Variants in WNK1 observed in about 807,000 individuals in gnomAD.
WNK1 encodes the protein serine/threonine-protein kinase WNK1.
WNK1 carries 38 observed loss-of-function variants against 222.8 expected under a neutral mutation model. The ratio of observed to expected loss-of-function variants is 0.17; its 90% CI spans 0.13 to 0.22. The LOEUF (loss-of-function observed/expected upper bound fraction) is 0.22. WNK1 is among the 10% of genes least tolerant of loss of function. The pLI, the probability that WNK1 is intolerant of heterozygous loss-of-function variation, is 1.00. For synonymous variants in WNK1, 1,090 were observed against 1,092.9 expected (o/e 1.00, Z 0.05); for missense variants, 2,348 against 2,918.4 (o/e 0.80, Z 4.50).
chr12:765,540 C>A (rs1941583723), intron 1 of WNK1, among the ~76,000 whole-genome samples: 1 of 122,070 alleles, frequency 8.2e-6, no homozygotes, highest in South Asian at 2.8e-4. Flanking sequence ...AGAGCTATGA[C>A]CCTGTCTCAA....
chr12:859,454 C>T lies in WNK1; in HGVS notation c.1610C>T (p.Ala537Val). The T allele has an allele frequency of 6.2e-7, 1 of 1,609,886 alleles. No homozygotes were observed. The highest frequency in any genetic ancestry group is 8.5e-7 in the Non-Finnish European group (1 of 1,177,396). Reference sequence around the variant, plus strand: ...GAGAGAGATGTCCCAGAAGATGTTGCACAAGAAATGGTAAATTGACATTAG... The same window carrying T: ...GAGAGAGATGTCCCAGAAGATGTTGTACAAGAAATGGTAAATTGACATTAG... ...DLERDVPEDV[A>V]QEMVESGYVC... The change falls in exon 6 of 28, where the codon GCA becomes GTA. Residue 537 changes from alanine to valine, a missense_variant. Around this residue, in one of 13 missense-constraint regions of WNK1, gnomAD observed 103 missense variants for 111.5 expected, o/e 0.92. Transcript: ENST00000315939.
chr12:865,128 A>AT, intron 8 of WNK1: 1 of 1,518,056 alleles, frequency 6.6e-7, no homozygotes, highest in Non-Finnish European at 8.8e-7. Context: ...TGGCCGTAGC[A>AT]TGTCGGTTTG....
intron 2 of WNK1, 119 bp from the exon 3 acceptor site, chr12:826,923 A>G: frequency 1.3e-6 from 1 of 765,554 alleles, no homozygotes; most frequent in African/African-American, 1.7e-5. Flanking sequence ...AGTGTTACTG[A>G]ATCTTAGTAT....
chr12:776,000 T>C (rs1275727255), intron 1 of WNK1, among the ~76,000 whole-genome samples: 1 of 152,164 alleles, frequency 6.6e-6, no homozygotes, highest in Admixed American at 6.5e-5. Context: ...GATTACCTTG[T>C]AGTGCACGTT....
intron 1 of WNK1, among the ~76,000 whole-genome samples, chr12:807,293 GTT>G (rs71051387): frequency 2.0e-3 from 252 of 128,790 alleles, no homozygotes; most frequent in South Asian, 5.1e-3. Context: ...CCCTGTCTCT[GTT>G]TTTTTTTTTT....
At position 883,439 on chromosome 12, in the gene WNK1, G is replaced by A; in HGVS notation, c.3534G>A (p.Val1178=). ...TAGCAATAGAGAGAGAGTCGTTTGT[G>A]GATCAAGTGCGAGAAATTATTGAAA... ...FILAIERESF[V]DQVREIIEKA... is the part of the protein sequence containing the mutation. Residue 1178 remains valine, a synonymous_variant, in exon 16 of 28, where the codon GTG becomes GTA. Transcript: ENST00000315939. The A allele has an allele frequency of 1.9e-6, 3 of 1,613,056 alleles. No individual in the cohort carries two copies. The highest frequency in any genetic ancestry group is 2.5e-6 in the Non-Finnish European group (3 of 1,179,316).
At chr12:809,018 C>A (rs1345813351) in intron 1 of WNK1, among the ~76,000 whole-genome samples, 1 of 151,968 alleles carries the variant, frequency 6.6e-6, no homozygotes, top group African/African-American at 2.4e-5. Context: ...CCCACCTTGG[C>A]CTCCCAAAGT....
intron 1 of WNK1, among the ~76,000 whole-genome samples, chr12:809,243 A>AGTT (rs1555103397): frequency 9.6e-6 from 1 of 104,552 alleles, no homozygotes; most frequent in Admixed American, 1.1e-4. Context: ...AAAAAAAAAA[A>AGTT]TTTTTTTTTT....
intron 1 of WNK1, among the ~76,000 whole-genome samples, chr12:788,973 G>A (rs764595568): frequency 1.3e-5 from 2 of 152,172 alleles, no homozygotes. Context: ...GCTTATAACA[G>A]TTTTTGTGGG....
At chr12:846,195 A>C (rs1565511198) in intron 4 of WNK1, among the ~76,000 whole-genome samples, 1 of 152,184 alleles carries the variant, frequency 6.6e-6, no homozygotes. Context: ...TGCAGTTTTG[A>C]GCTCTGAGTA....
At chr12:799,990 G>A (rs1298174863) in intron 1 of WNK1, among the ~76,000 whole-genome samples, 3 of 152,052 alleles carry the variant, frequency 2.0e-5, no homozygotes, top group African/African-American at 7.2e-5. Flanking sequence ...AATTTTTAAA[G>A]AAAGTTAATT....
At chr12:789,981 TC>T (rs1485390663) in intron 1 of WNK1, among the ~76,000 whole-genome samples, 1 of 152,218 alleles carries the variant, frequency 6.6e-6, no homozygotes, top group Non-Finnish European at 1.5e-5. Context: ...AAATGGAACT[TC>T]CATGATTGGG....
intron 4 of WNK1, among the ~76,000 whole-genome samples, chr12:841,291 C>T (rs768743367): frequency 1.8e-4 from 27 of 152,144 alleles, no homozygotes; most frequent in Non-Finnish European, 3.8e-4. Flanking sequence ...CCCTAGCGAC[C>T]ACTAATCTGC....
chr12:836,405 A>G (rs998862182), intron 4 of WNK1, among the ~76,000 whole-genome samples: 1 of 152,168 alleles, frequency 6.6e-6, no homozygotes, highest in African/African-American at 2.4e-5. Context: ...TGAGAAATAT[A>G]TTTGTTGTAT....
At chr12:801,423 TTGTG>T (rs367875366) in intron 1 of WNK1, among the ~76,000 whole-genome samples, 22,705 of 143,714 alleles carry the variant, frequency 0.16, 1,777 homozygotes, top group East Asian at 0.25. Context: ...CTTTTTTTCT[TTGTG>T]TGTGTGTGTG....
In WNK1 at chr12:896,087, A is replaced by G; in HGVS notation, c.5600A>G (p.Asp1867Gly). The change falls in exon 24 of 28, where the codon GAC becomes GGC. Residue 1867 changes from aspartate (D) to glycine (G), a missense_variant. Asp to Gly is a moderately conservative substitution (Grantham distance 94). Around this residue, in one of 13 missense-constraint regions of WNK1, gnomAD observed 1,144 missense variants for 1,273.6 expected, o/e 0.90. Coordinates refer to ENST00000315939, the MANE Select transcript of WNK1 (RefSeq NM_018979.4). ...TTTTATCAGGTTTCTGTTGCAGCAG[A>G]CGGTGCCCAGAAAGAGGGTAAAAAT... Reference protein sequence around the residue: ...MGRFQVSVAADGAQKEGKNKS... With the variant: ...MGRFQVSVAAGGAQKEGKNKS... 1.2e-6 allele frequency: 2 copies of G among 1,614,206 alleles called. No homozygotes were observed.
At chr12:783,322 T>C (rs1423401018) in intron 1 of WNK1, among the ~76,000 whole-genome samples, 1 of 152,164 alleles carries the variant, frequency 6.6e-6, no homozygotes, top group African/African-American at 2.4e-5. Context: ...CATATCTCGG[T>C]TCACACCAGC....
chr12:806,608 A>G (rs1946384926), intron 1 of WNK1, among the ~76,000 whole-genome samples: 1 of 152,190 alleles, frequency 6.6e-6, no homozygotes, highest in South Asian at 2.1e-4. Context: ...GGCAATGTTT[A>G]TTTTGATATG....
chr12:904,434 TTCTC>T, intron 26 of WNK1: 1 of 1,288,858 alleles, frequency 7.8e-7, no homozygotes, highest in South Asian at 1.2e-5. Context: ...AACACATTGC[TTCTC>T]TCTTTGTGCT....
Sources: gnomAD v4.1 joint callset for allele counts (sites outside exome capture counted in the v4.1 genomes callset) on GRCh38, gnomAD v4.1.1 for gene constraint, gnomAD v4.1.1 regional missense constraint, MANE v1.5 for transcripts, NCBI Gene and HGNC (gene_info 2026-07-23, HGNC 2026-07-21) for gene names.